OTOGL: variants seen among roughly 807,000 people sequenced by gnomAD.
The protein encoded by OTOGL is otogelin-like protein.
A neutral mutation model predicts 318.5 loss-of-function variants in OTOGL; 285 were observed. The observed-to-expected ratio is 0.89, with a 90% CI of 0.81 to 0.99. The LOEUF (loss-of-function observed/expected upper bound fraction) is 0.99. Among genes scored for constraint, OTOGL ranks in the 50% least tolerant of loss-of-function variants. The pLI is 0.00. For missense variants in OTOGL, 2,899 were observed against 2,845.6 expected, an observed-to-expected ratio of 1.02 and a Z score of -0.43; for synonymous variants, 987 against 936.5, an observed-to-expected ratio of 1.05 and a Z score of -0.99.
intron 2 of OTOGL, 131 bp downstream of exon 2, chr12:80,209,641 C>A: frequency 2.0e-6 from 1 of 488,594 alleles, no homozygotes; most frequent in Non-Finnish European, 3.4e-6. Flanking sequence ...ATACTCAGAT[C>A]ACCTTTTAAA....
chr12:80,259,915 T>C (rs1258178583), intron 18 of OTOGL, among the ~76,000 whole-genome samples: 3 of 152,130 alleles, frequency 2.0e-5, no homozygotes, highest in African/African-American at 7.2e-5. Flanking sequence ...CTCCCATTTA[T>C]TGTTCACCCC....
chr12:80,370,430 G>T (rs1890807641), intron 55 of OTOGL, 140 bp from the exon 56 acceptor site: 2 of 625,518 alleles, frequency 3.2e-6, no homozygotes, highest in Non-Finnish European at 4.9e-6. Flanking sequence ...TAAACTTAGG[G>T]TCATTTTCAG....
chr12:80,204,741 G>T (rs562795404), intron 1 of OTOGL, among the ~76,000 whole-genome samples: 11 of 152,044 alleles, frequency 7.2e-5, no homozygotes, highest in Non-Finnish European at 1.3e-4. Context: ...AGAATGTAAG[G>T]AATATTACCA....
chr12:80,170,630 C>CA (rs1234828620), intron 1 of OTOGL, among the ~76,000 whole-genome samples: 3 of 152,064 alleles, frequency 2.0e-5, no homozygotes, highest in African/African-American at 7.2e-5. Flanking sequence ...GATGGGGTTT[C>CA]ACCATGTTGC....
At chr12:80,105,098 C>T (rs1274890122) in intron 1 of OTOGL, among the ~76,000 whole-genome samples, 8 of 151,810 alleles carry the variant, frequency 5.3e-5, no homozygotes, top group African/African-American at 9.7e-5. Context: ...AGCAAAACTC[C>T]GTCTCAAAAA....
At chr12:80,176,893 A>G (rs930483731) in intron 1 of OTOGL, among the ~76,000 whole-genome samples, 2 of 152,064 alleles carry the variant, frequency 1.3e-5, no homozygotes, top group Non-Finnish European at 2.9e-5. Flanking sequence ...GTTCTCCATC[A>G]TTGCCAACAA....
chr12:80,157,069 G>A (rs753833803), intron 1 of OTOGL, among the ~76,000 whole-genome samples: 3 of 151,974 alleles, frequency 2.0e-5, no homozygotes, highest in African/African-American at 2.4e-5. Flanking sequence ...AGTGTGCAAG[G>A]GTTCCCTTTT....
At chr12:80,349,003 G>A (rs1190767465) in intron 44 of OTOGL, among the ~76,000 whole-genome samples, 1 of 152,102 alleles carries the variant, frequency 6.6e-6, no homozygotes, top group Admixed American at 6.6e-5. Flanking sequence ...TATGTAGTTA[G>A]GTTCCCAATA....
At chr12:80,235,467 C>A (rs1415489589) in intron 9 of OTOGL, among the ~76,000 whole-genome samples, 1 of 86,954 alleles carries the variant, frequency 1.2e-5, no homozygotes, top group African/African-American at 4.5e-5. Context: ...GACTCTGTCT[C>A]AAAAAAAAAA....
intron 1 of OTOGL, among the ~76,000 whole-genome samples, chr12:80,182,258 T>G (rs915037540): frequency 3.3e-5 from 5 of 152,164 alleles, no homozygotes; most frequent in African/African-American, 1.2e-4. Flanking sequence ...TTCCTACTCA[T>G]GTCAGTGAAA....
chr12:80,124,530 T>G (rs1190899487), intron 1 of OTOGL, among the ~76,000 whole-genome samples: 1 of 152,200 alleles, frequency 6.6e-6, no homozygotes, highest in Non-Finnish European at 1.5e-5. Flanking sequence ...GGCTCTTTTT[T>G]GGTTCTATAT....
rs1891207438 is a variant in OTOGL, at chr12:80,377,000, C to A, written c.6782-123C>A. The stretch of plus-strand genomic sequence containing the variant: ...TAAGAGAGAAGTTTTAAATATCTTT[C>A]AATACTGGAATATATTTTATATAAA... On this transcript the variant is annotated intron_variant, in intron 57 of 58. Coordinates refer to ENST00000547103, the MANE Select transcript of OTOGL (RefSeq NM_001378609.3). 7.1e-6 allele frequency: 4 copies of A among 559,446 alleles called. No individual in the cohort carries two copies. In the Admixed American group the frequency reaches 1.2e-4, roughly 16 times the overall value. The allele number at this position is 559,446 out of a possible 1,614,324, so 34.7% of individuals were successfully genotyped here.
intron 1 of OTOGL, among the ~76,000 whole-genome samples, chr12:80,127,066 G>T (rs1870896499): frequency 6.6e-6 from 1 of 152,194 alleles, no homozygotes; most frequent in Admixed American, 6.5e-5. Context: ...TGTTATGTGT[G>T]AATTTGATCC....
intron 55 of OTOGL, among the ~76,000 whole-genome samples, 173 bp from the exon 56 acceptor site, chr12:80,370,397 T>C (rs1474587905): frequency 2.3e-5 from 3 of 129,744 alleles, no homozygotes; most frequent in Non-Finnish European, 5.2e-5. Flanking sequence ...TATACACGTG[T>C]ATGTATTTTT....
At chr12:80,292,232 C>T (rs1298176459) in intron 26 of OTOGL, among the ~76,000 whole-genome samples, 5 of 152,208 alleles carry the variant, frequency 3.3e-5, no homozygotes, top group Non-Finnish European at 5.9e-5. Flanking sequence ...AGGAGATCAG[C>T]CTGCCTCGGC....
chr12:80,243,713 C>A (rs183901863), intron 11 of OTOGL, among the ~76,000 whole-genome samples: 1 of 150,552 alleles, frequency 6.6e-6, no homozygotes. Context: ...AGTTTCTACA[C>A]CTAATTTGAA....
intron 11 of OTOGL, among the ~76,000 whole-genome samples, chr12:80,245,081 G>T (rs1880754314): frequency 7.8e-6 from 1 of 128,898 alleles, no homozygotes; most frequent in African/African-American, 3.4e-5. Context: ...AGATGAGTAG[G>T]TTGCAAAAAT....
intron 6 of OTOGL, 63 bp from the exon 7 acceptor site, chr12:80,222,028 C>A: frequency 1.4e-6 from 2 of 1,478,800 alleles, no homozygotes; most frequent in Non-Finnish European, 1.8e-6. Flanking sequence ...CCATGACTGA[C>A]TGAACATTGC....
intron 1 of OTOGL, among the ~76,000 whole-genome samples, chr12:80,114,451 T>G (rs543834686): frequency 6.6e-6 from 1 of 152,346 alleles, no homozygotes; most frequent in East Asian, 1.9e-4. Flanking sequence ...CCTACACTTT[T>G]CTGGCTTGTA....
Sources: allele counts gnomAD v4.1 joint callset (sites outside exome capture counted in the v4.1 genomes callset), GRCh38; gene constraint gnomAD v4.1.1; transcripts MANE v1.5; gene names NCBI Gene and HGNC (gene_info 2026-07-23, HGNC 2026-07-21).